FHIT: variants seen among roughly 807,000 people sequenced by gnomAD.
FHIT encodes the protein bis(5'-adenosyl)-triphosphatase.
FHIT carries 19 observed loss-of-function variants against 17.9 expected under a neutral mutation model. The ratio of observed to expected loss-of-function variants is 1.06; its 90% CI spans 0.74 to 1.56. The LOEUF (loss-of-function observed/expected upper bound fraction) is 1.56. Among genes scored for constraint, FHIT ranks in the 40% most tolerant of loss-of-function variants. The pLI, the probability that FHIT is intolerant of heterozygous loss-of-function variation, is 0.00. For synonymous variants in FHIT, 81 were observed against 69.7 expected, an observed-to-expected ratio of 1.16 and a Z score of -0.81; for missense variants, 248 against 189.2, an observed-to-expected ratio of 1.31 and a Z score of -1.82.
rs1709800903 is a variant in FHIT, at chr3:60,967,503, A to C, written c.-111+74544T>G. ...GATGACTCTTTGAAAATAATATAGA[A>C]AAGTATATATAAATACATAGGTAAA... On this transcript the variant is annotated intron_variant, in intron 3 of 9. Coordinates refer to ENST00000492590, the MANE Select transcript of FHIT (RefSeq NM_002012.4). 2.6e-5 allele frequency among the ~76,000 whole-genome samples: 4 copies of C among 152,208 alleles called. No individual in the cohort carries two copies. In the South Asian group the frequency reaches 8.3e-4, roughly 31 times the overall value.
intron 8 of FHIT, among the ~76,000 whole-genome samples, chr3:59,871,919 C>T (rs675774): frequency 0.2 from 30,493 of 152,152 alleles, 3,292 homozygotes; most frequent in African/African-American, 0.25. Flanking sequence ...ATTTGTGATA[C>T]GTGTTACAGA....
chr3:59,855,375 T>C (rs1475336903), intron 8 of FHIT, among the ~76,000 whole-genome samples: 1 of 152,230 alleles, frequency 6.6e-6, no homozygotes, highest in Non-Finnish European at 1.5e-5. Flanking sequence ...TCATCTTTCT[T>C]CTTACAGGGT....
intron 8 of FHIT, among the ~76,000 whole-genome samples, chr3:59,900,666 T>C (rs1704285267): frequency 2.6e-5 from 4 of 152,146 alleles, no homozygotes. Context: ...CAGGCTGGAG[T>C]GCAGTGGTGC....
At chr3:60,144,485 C>G (rs1472429821) in intron 5 of FHIT, among the ~76,000 whole-genome samples, 1 of 152,150 alleles carries the variant, frequency 6.6e-6, no homozygotes, top group African/African-American at 2.4e-5. Context: ...AAAGGCACCA[C>G]CTTGTTTGAC....
At chr3:59,873,856 C>G (rs180940023) in intron 8 of FHIT, among the ~76,000 whole-genome samples, 3 of 152,302 alleles carry the variant, frequency 2.0e-5, no homozygotes, top group Non-Finnish European at 2.9e-5. Context: ...AGAAGACAAA[C>G]TAGATTGGTT....
At chr3:61,110,682 G>A (rs7644694) in intron 2 of FHIT, among the ~76,000 whole-genome samples, 7,450 of 152,104 alleles carry the variant, frequency 0.049, 332 homozygotes, top group African/African-American at 0.12. Context: ...AAACTCATCC[G>A]TCACTGAGAA....
intron 5 of FHIT, among the ~76,000 whole-genome samples, chr3:60,446,924 C>T (rs994080774): frequency 6.6e-6 from 1 of 151,128 alleles, no homozygotes. Flanking sequence ...TATAAATCTA[C>T]CCAAGGCACC....
chr3:60,762,436 GGATGGAGTAGT>G (rs1699690682), intron 4 of FHIT, among the ~76,000 whole-genome samples: 1 of 152,148 alleles, frequency 6.6e-6, no homozygotes, highest in Non-Finnish European at 1.5e-5. Context: ...TGATGCCCAG[GGATGGAGTAGT>G]CAGTTTGTAG....
chr3:60,309,368 G>GA (rs1171139596), intron 5 of FHIT, among the ~76,000 whole-genome samples: 5 of 151,924 alleles, frequency 3.3e-5, no homozygotes, highest in African/African-American at 4.8e-5. Context: ...TATATTAAAA[G>GA]AAAAAAACCT....
intron 4 of FHIT, among the ~76,000 whole-genome samples, chr3:60,556,495 C>G (rs2036743739): frequency 6.6e-6 from 1 of 152,154 alleles, no homozygotes; most frequent in South Asian, 2.1e-4. Context: ...TTCTAAATGC[C>G]CAGCCTACAT....
At chr3:59,854,034 A>C (rs1207033030) in intron 8 of FHIT, among the ~76,000 whole-genome samples, 2 of 152,202 alleles carry the variant, frequency 1.3e-5, no homozygotes, top group Non-Finnish European at 2.9e-5. Flanking sequence ...TCTAAAAAAA[A>C]CAAAAACAAA....
intron 5 of FHIT, among the ~76,000 whole-genome samples, chr3:60,405,812 C>T (rs1445961149): frequency 6.6e-6 from 1 of 152,176 alleles, no homozygotes; most frequent in East Asian, 1.9e-4. Flanking sequence ...ACACAGCAGC[C>T]CCCAACGACA....
intron 5 of FHIT, among the ~76,000 whole-genome samples, chr3:60,385,681 AG>A (rs1482230945): frequency 1.3e-5 from 2 of 152,122 alleles, no homozygotes; most frequent in Non-Finnish European, 2.9e-5. Flanking sequence ...CCAGGCTCAA[AG>A]GATCCTCCTG....
chr3:60,056,978 G>C (rs1175651359), intron 5 of FHIT, among the ~76,000 whole-genome samples: 1 of 152,112 alleles, frequency 6.6e-6, no homozygotes, highest in African/African-American at 2.4e-5. Context: ...CTGCCTGAAA[G>C]TTCTCAAATC....
intron 8 of FHIT, among the ~76,000 whole-genome samples, chr3:59,904,610 G>A (rs1009325000): frequency 6.6e-6 from 1 of 152,190 alleles, no homozygotes. Flanking sequence ...GGCCATGCTG[G>A]TGTGCTCCAG....
At chr3:60,380,780 A>T (rs1700765959) in intron 5 of FHIT, among the ~76,000 whole-genome samples, 1 of 152,228 alleles carries the variant, frequency 6.6e-6, no homozygotes, top group Non-Finnish European at 1.5e-5. Flanking sequence ...CGGTAAGGCA[A>T]AGATGAATAT....
At chr3:61,236,059 C>A (rs1398197200) in intron 1 of FHIT, among the ~76,000 whole-genome samples, 3 of 151,508 alleles carry the variant, frequency 2.0e-5, no homozygotes, top group Non-Finnish European at 4.4e-5. Context: ...CTTACTATCC[C>A]CATTTTTAGA....
chr3:60,096,339 T>A (rs1157862536), intron 5 of FHIT, among the ~76,000 whole-genome samples: 1 of 152,196 alleles, frequency 6.6e-6, no homozygotes, highest in African/African-American at 2.4e-5. Flanking sequence ...AGTCTGGGGC[T>A]TTTATAGGCT....
chr3:61,221,230 G>A (rs2039828526), intron 1 of FHIT, among the ~76,000 whole-genome samples: 1 of 152,180 alleles, frequency 6.6e-6, no homozygotes, highest in Non-Finnish European at 1.5e-5. Context: ...TGACAATGTG[G>A]CATTTGCACA....
Sources: gnomAD v4.1 joint callset for allele counts (sites outside exome capture counted in the v4.1 genomes callset) on GRCh38, gnomAD v4.1.1 for gene constraint, MANE v1.5 for transcripts, NCBI Gene and HGNC (gene_info 2026-07-23, HGNC 2026-07-21) for gene names.